Variants in CDH4 observed in about 807,000 individuals in gnomAD.
CDH4 encodes cadherin-4.
CDH4 carries 33 observed loss-of-function variants against 86.0 expected under a neutral mutation model. The observed-to-expected ratio is 0.38, with a 90% CI of 0.29 to 0.51. The LOEUF (loss-of-function observed/expected upper bound fraction) is 0.51. Among genes scored for constraint, CDH4 ranks in the 20% least tolerant of loss-of-function variants. The probability of loss-of-function intolerance (pLI) is 0.86; values close to 1 mark genes in which losing one functional copy is unlikely to be tolerated. For missense variants in CDH4, 1,114 were observed against 1,307.4 expected (o/e 0.85, Z 2.28); for synonymous variants, 555 against 549.4 (o/e 1.01, Z -0.14).
intron 2 of CDH4, among the ~76,000 whole-genome samples, chr20:61,508,674 C>G (rs1239743271): frequency 6.6e-6 from 1 of 152,244 alleles, no homozygotes; most frequent in Non-Finnish European, 1.5e-5. Context: ...CAGGGCTGGC[C>G]TCAGGACAGG....
intron 2 of CDH4, among the ~76,000 whole-genome samples, chr20:61,540,094 C>T (rs2086028774): frequency 1.3e-5 from 2 of 152,286 alleles, no homozygotes; most frequent in South Asian, 4.1e-4. Flanking sequence ...ATGAAGAGGG[C>T]TGAATAGGGT....
At chr20:61,652,866 G>T (rs1253575392) in intron 2 of CDH4, among the ~76,000 whole-genome samples, 5 of 145,440 alleles carry the variant, frequency 3.4e-5, no homozygotes, top group Admixed American at 6.9e-5. Flanking sequence ...TTTGGGGGGG[G>T]GATAAAAAAT....
chr20:61,330,576 TATCCGC>T (rs1480535373), intron 2 of CDH4, among the ~76,000 whole-genome samples: 1 of 152,196 alleles, frequency 6.6e-6, no homozygotes, highest in Non-Finnish European at 1.5e-5. Context: ...TCAAGAAAAG[TATCCGC>T]ATGTCCTGAC....
intron 2 of CDH4, among the ~76,000 whole-genome samples, chr20:61,500,422 C>T (rs866024629): frequency 3.3e-5 from 5 of 152,200 alleles, no homozygotes; most frequent in African/African-American, 9.6e-5. Flanking sequence ...ACATCACGGG[C>T]GTGGAGAGGG....
intron 4 of CDH4, among the ~76,000 whole-genome samples, chr20:61,832,551 C>A (rs1370920270): frequency 2.6e-5 from 4 of 152,134 alleles, no homozygotes; most frequent in African/African-American, 9.7e-5. Context: ...ACAATCAGGG[C>A]AGAAGGCGAA....
In CDH4 at chr20:61,929,768, T is replaced by A; in HGVS notation, c.2165T>A (p.Ile722Asn). Residue 722 changes from isoleucine to asparagine, a missense_variant, in exon 13 of 16, where the codon ATT becomes AAT. By Grantham distance (149) the Ile-to-Asn change is moderately radical. Coordinates refer to ENST00000614565, the MANE Select transcript of CDH4 (RefSeq NM_001794.5). The part of the protein sequence containing the change: ...PCDDNGDCTT[I>N]GAVAAAGLGT... ...GATGACAACGGGGACTGCACCACCA[T>A]TGGCGCAGTGGCAGCGGCTGGTCTG... 3 of 1,614,108 alleles carry A rather than the reference T, an allele frequency of 1.9e-6. No individual in the cohort carries two copies. Among genetic ancestry groups the A allele is most frequent in the Non-Finnish European group, 2.5e-6 (3 of 1,179,988 alleles).
rs554492678 is a variant in CDH4, at chr20:61,818,240, G to A, written c.577-26428G>A. ...CTATCTCACATCACGCAGACAGTGA[G>A]GAGGGCTTGGCTTCGAGGCTGCATG... is the stretch of plus-strand genomic sequence containing the variant. On this transcript the variant is annotated intron_variant, in intron 4 of 15. Transcript: ENST00000614565. 3.9e-5 allele frequency among the ~76,000 whole-genome samples: 6 copies of A among 152,306 alleles called. 1 individual carries two copies. The South Asian group carries it at 1.2e-3, about 32-fold the overall frequency.
intron 8 of CDH4, among the ~76,000 whole-genome samples, chr20:61,907,735 C>T (rs185584944): frequency 6.6e-6 from 1 of 152,328 alleles, no homozygotes; most frequent in East Asian, 1.9e-4. Flanking sequence ...CTGCAGGTTC[C>T]GGGCTCTGGC....
chr20:61,317,676 G>GT (rs1299540208), intron 2 of CDH4, among the ~76,000 whole-genome samples: 4 of 152,146 alleles, frequency 2.6e-5, no homozygotes, highest in Non-Finnish European at 5.9e-5. Flanking sequence ...CCCTCCCCTA[G>GT]GTGCCACAAC....
intron 2 of CDH4, among the ~76,000 whole-genome samples, chr20:61,720,274 C>T (rs183800514): frequency 6.5e-4 from 99 of 152,234 alleles, no homozygotes; most frequent in African/African-American, 2.4e-3. Context: ...CTCTATGGGC[C>T]GCACCTCCTG....
intron 5 of CDH4, 81 bp from the exon 6 acceptor site, chr20:61,852,673 C>A: frequency 6.8e-7 from 1 of 1,475,546 alleles, no homozygotes. Context: ...TCTCCTACCC[C>A]AGCACCGCGG....
intron 2 of CDH4, among the ~76,000 whole-genome samples, chr20:61,569,296 A>G (rs2252412): frequency 0.69 from 105,721 of 152,130 alleles, 37,173 homozygotes; most frequent in East Asian, 0.79. Context: ...TCTGATTTTC[A>G]TCTCTTGTAA....
At chr20:61,488,970 C>T (rs1479525200) in intron 2 of CDH4, among the ~76,000 whole-genome samples, 1 of 152,156 alleles carries the variant, frequency 6.6e-6, no homozygotes, top group Non-Finnish European at 1.5e-5. Context: ...ATTCATCCAT[C>T]AGTTTGGAAA....
At chr20:61,572,867 GGACAGACA>G (rs879275879) in intron 2 of CDH4, among the ~76,000 whole-genome samples, 2 of 142,946 alleles carry the variant, frequency 1.4e-5, no homozygotes, top group East Asian at 3.9e-4. Context: ...ATGGATGGAT[GGACAGACA>G]GAGGGAGAGA....
rs544514069 is a variant in CDH4 at position 61,882,867 on chromosome 20, C to T, written c.1050+8967C>T. On this transcript the variant is annotated intron_variant, in intron 7 of 15. Coordinates refer to ENST00000614565, the MANE Select transcript of CDH4 (RefSeq NM_001794.5). ...TTCTGAGAAGTCACCCGGCCGGCCC[C>T]GCAGGTGCCTTTCCTTCTCTTTTAT... 1.7e-3 allele frequency among the ~76,000 whole-genome samples: 259 copies of T among 151,676 alleles called. 1 individual carries two copies. Among genetic ancestry groups the T allele is most frequent in the Non-Finnish European group, 2.6e-3 (178 of 67,820 alleles).
chr20:61,789,200 C>T lies in CDH4; in HGVS notation c.576+16018C>T, dbSNP rs370267859. Among the ~76,000 whole-genome samples, 10 of 152,286 alleles carry T rather than the reference C, an allele frequency of 6.6e-5. No homozygotes were observed. The South Asian group carries it at 1.2e-3, about 19-fold the overall frequency. On this transcript the variant is annotated intron_variant, in intron 4 of 15. Transcript: ENST00000614565. The stretch of plus-strand genomic sequence containing the variant: ...CTCCGTAGAGGCCCGAGATGGCCTA[C>T]GGATGCATCTGCACCTGAGCTGTGT...
At chr20:61,768,667 A>G (rs2088731836) in intron 3 of CDH4, among the ~76,000 whole-genome samples, 1 of 152,228 alleles carries the variant, frequency 6.6e-6, no homozygotes, top group African/African-American at 2.4e-5. Context: ...TCAAAAGAAC[A>G]TGCTTGTTCG....
At chr20:61,353,439 C>G (rs1159004608) in intron 2 of CDH4, among the ~76,000 whole-genome samples, 1 of 152,070 alleles carries the variant, frequency 6.6e-6, no homozygotes, top group African/African-American at 2.4e-5. Context: ...AAATTTATTT[C>G]ACCACCGTTA....
chr20:61,438,068 A>C (rs2085294992), intron 2 of CDH4, among the ~76,000 whole-genome samples: 1 of 152,210 alleles, frequency 6.6e-6, no homozygotes, highest in African/African-American at 2.4e-5. Flanking sequence ...CAAACAGTGC[A>C]TGCCAGGTTT....
Sources: allele counts gnomAD v4.1 joint callset (sites outside exome capture counted in the v4.1 genomes callset), GRCh38; gene constraint gnomAD v4.1.1; transcripts MANE v1.5; gene names NCBI Gene and HGNC (gene_info 2026-07-23, HGNC 2026-07-21).